SCN7A: variants seen among roughly 807,000 people sequenced by gnomAD.
SCN7A encodes the protein sodium voltage-gated channel alpha subunit 7.
In SCN7A, 138 loss-of-function variants were observed where a neutral mutation model predicts 155.2. That is an observed-to-expected ratio of 0.89 (90% CI 0.77 to 1.02). The LOEUF is 1.02. Ranked by LOEUF, SCN7A falls within the 50% of genes least tolerant of loss-of-function variation. The probability of loss-of-function intolerance (pLI) is 0.00; values close to 1 mark genes in which losing one functional copy is unlikely to be tolerated. For synonymous variants in SCN7A, 693 were observed against 649.0 expected (o/e 1.07, Z -1.03); for missense variants, 2,058 against 1,986.6 (o/e 1.04, Z -0.68).
At chr2:166,464,192 A>G (rs949283468) in intron 9 of SCN7A, among the ~76,000 whole-genome samples, 4 of 151,230 alleles carry the variant, frequency 2.6e-5, no homozygotes, top group African/African-American at 9.7e-5. Context: ...GTATATATGT[A>G]TGTGTGTGTA....
chr2:166,429,322 A>C lies in SCN7A; in HGVS notation c.2593-48T>G, dbSNP rs958644130. ...AAAAGTTGTGATTAAAGTTTCATTT[A>C]CCCATGGTGGCCAAAGTTTATTTCA... On this transcript the variant is annotated intron_variant, in intron 16 of 25. Transcript: ENST00000643258. The C allele has an allele frequency of 2.1e-5, 25 of 1,178,026 alleles. No homozygotes were observed. In the African/African-American group the frequency reaches 3.9e-4, roughly 19 times the overall value. The allele number at this position is 1,178,026 out of a possible 1,614,324, so 73.0% of individuals were successfully genotyped here.
intron 21 of SCN7A, among the ~76,000 whole-genome samples, chr2:166,414,229 TA>T (rs1559088523): frequency 1.4e-4 from 12 of 86,760 alleles, no homozygotes; most frequent in African/African-American, 4.8e-4. Context: ...TATAAATATA[TA>T]TATCTATATA....
rs1360336156 is a variant in SCN7A, at chr2:166,405,461, CT to C, written c.*118del. On this transcript the variant is annotated 3_prime_UTR_variant, in exon 26 of 26. Transcript: ENST00000643258. ...TGGCATGAAGTCTTGTGAATACAAG[CT>C]TAATTACCATCGGTTGTAAAGAACT... The C allele has an allele frequency of 1.3e-6, 1 of 752,104 alleles. No individual in the cohort carries two copies. Among genetic ancestry groups the C allele is most frequent in the African/African-American group, 1.8e-5 (1 of 56,448 alleles). 46.6% of individuals were successfully genotyped at this position (752,104 alleles called of 1,614,324 possible).
chr2:166,476,131 A>G (rs1488271149), intron 3 of SCN7A, among the ~76,000 whole-genome samples: 2 of 151,978 alleles, frequency 1.3e-5, no homozygotes, highest in Non-Finnish European at 2.9e-5. Flanking sequence ...TGCTCTCAAG[A>G]TTAAGCATGT....
chr2:166,463,733 C>G (rs554380009), intron 9 of SCN7A, among the ~76,000 whole-genome samples: 1 of 152,132 alleles, frequency 6.6e-6, no homozygotes, highest in East Asian at 1.9e-4. Flanking sequence ...AGAATGGGAG[C>G]CCAGCAGGAG....
rs547576020 is a variant in SCN7A, at chr2:166,488,607, TA to T, written c.-127-1640del. Among the ~76,000 whole-genome samples, 335 of 151,694 alleles carry T rather than the reference TA, an allele frequency of 2.2e-3. 2 individuals are homozygous for T. The highest frequency in any genetic ancestry group is 3.8e-3 in the Non-Finnish European group (257 of 67,924). On this transcript the variant is annotated intron_variant, in intron 1 of 25. Coordinates refer to ENST00000643258, the MANE Select transcript of SCN7A (RefSeq NM_002976.4). ...GAGAATATAACTTAGTGCAGTTTTT[TA>T]AAAAAGCTACTTGTCAACAGTTTCT...
At chr2:166,423,750 A>C (rs1701562292) in intron 18 of SCN7A, among the ~76,000 whole-genome samples, 1 of 152,122 alleles carries the variant, frequency 6.6e-6, no homozygotes, top group Non-Finnish European at 1.5e-5. Flanking sequence ...ACTTAACACA[A>C]GAGTCAAAAC....
chr2:166,466,128 T>C, intron 7 of SCN7A, 141 bp from the exon 8 acceptor site: 2 of 626,116 alleles, frequency 3.2e-6, no homozygotes, highest in South Asian at 2.3e-5. Context: ...TTGGGCCTCA[T>C]AAATAAAGTG....
intron 1 of SCN7A, among the ~76,000 whole-genome samples, chr2:166,490,164 T>C (rs1683052932): frequency 6.6e-6 from 1 of 152,112 alleles, no homozygotes; most frequent in African/African-American, 2.4e-5. Context: ...TATTTAACTA[T>C]CACCATCATG....
At chr2:166,408,237 T>A (rs889407342) in intron 25 of SCN7A, among the ~76,000 whole-genome samples, 1 of 151,980 alleles carries the variant, frequency 6.6e-6, no homozygotes, top group Non-Finnish European at 1.5e-5. Context: ...GCTATATCAT[T>A]TCCTACCATT....
intron 7 of SCN7A, among the ~76,000 whole-genome samples, chr2:166,466,240 T>C (rs1702531358): frequency 6.6e-6 from 1 of 152,198 alleles, no homozygotes; most frequent in Non-Finnish European, 1.5e-5. Context: ...TGTTTGTTTC[T>C]CTTTACAAAG....
At chr2:166,490,796 C>T (rs1046249669) in intron 1 of SCN7A, among the ~76,000 whole-genome samples, 1 of 152,208 alleles carries the variant, frequency 6.6e-6, no homozygotes, top group Non-Finnish European at 1.5e-5. Context: ...AGGATTCCAA[C>T]CTGCCCTCCC....
intron 1 of SCN7A, among the ~76,000 whole-genome samples, chr2:166,487,693 T>C (rs1333416333): frequency 6.6e-6 from 1 of 152,216 alleles, no homozygotes; most frequent in Admixed American, 6.5e-5. Context: ...TGTTCTATTC[T>C]ATATTAAATA....
chr2:166,465,752 T>C (rs1702517828), intron 8 of SCN7A, 29 bp downstream of exon 8: 1 of 1,607,104 alleles, frequency 6.2e-7, no homozygotes, highest in African/African-American at 1.3e-5. Context: ...AGTTTCAATT[T>C]TTGATATACA....
At chr2:166,471,734 G>A (rs1016734803) in intron 6 of SCN7A, among the ~76,000 whole-genome samples, 7 of 148,860 alleles carry the variant, frequency 4.7e-5, no homozygotes, top group African/African-American at 1.2e-4. Flanking sequence ...GTGGGGGGGG[G>A]GGTGGTGTTT....
rs1384506982 is a variant in SCN7A, at chr2:166,408,629, GCTT to G, written c.3982+1033_3982+1035del. ...TACTTTTCTATCAGTTTTTCTGATA[GCTT>G]CTTCTTTTCTGAAGCTTCTTACGGT... is the stretch of plus-strand genomic sequence containing the variant. On this transcript the variant is annotated intron_variant, in intron 25 of 25. Coordinates refer to ENST00000643258, the MANE Select transcript of SCN7A (RefSeq NM_002976.4). Among the ~76,000 whole-genome samples the G allele has an allele frequency of 4.0e-5, 6 of 151,774 alleles. No individual in the cohort carries two copies. The East Asian group carries it at 5.9e-4, about 15-fold the overall frequency.
intron 11 of SCN7A, 151 bp downstream of exon 11, chr2:166,456,719 A>G: frequency 2.8e-6 from 1 of 363,314 alleles, no homozygotes; most frequent in Non-Finnish European, 4.6e-6. Flanking sequence ...ATCTGTGACC[A>G]CCATGGGACC....
intron 1 of SCN7A, among the ~76,000 whole-genome samples, chr2:166,489,841 C>G (rs1423629185): frequency 2.0e-5 from 3 of 152,116 alleles, no homozygotes; most frequent in South Asian, 4.1e-4. Context: ...ACAATTTCAG[C>G]CAACAAATTC....
intron 4 of SCN7A, 78 bp downstream of exon 4, chr2:166,474,148 C>A (rs1263337731): frequency 7.8e-6 from 5 of 641,060 alleles, no homozygotes; most frequent in Non-Finnish European, 1.3e-5. Context: ...AAAAATACTG[C>A]AGAAATAATT....
Sources: gnomAD v4.1 joint callset for allele counts (sites outside exome capture counted in the v4.1 genomes callset) on GRCh38, gnomAD v4.1.1 for gene constraint, MANE v1.5 for transcripts, NCBI Gene and HGNC (gene_info 2026-07-23, HGNC 2026-07-21) for gene names.